Variants in CLIC5 observed in about 807,000 individuals in gnomAD.
CLIC5 encodes the protein CLIC family member 5, also known as chloride intracellular channel protein 5.
Under a neutral mutation model 24.7 loss-of-function variants are expected in CLIC5, and 20 were observed. The observed-to-expected ratio is 0.81, with a 90% CI of 0.57 to 1.18. The LOEUF is 1.18. Among genes scored for constraint, CLIC5 ranks in the 50% most tolerant of loss-of-function variants. The pLI, the probability that CLIC5 is intolerant of heterozygous loss-of-function variation, is 0.00. For synonymous variants in CLIC5, 159 were observed against 135.6 expected (o/e 1.17, Z -1.20); for missense variants, 341 against 326.1 (o/e 1.05, Z -0.35).
intron 6 of CLIC5, among the ~76,000 whole-genome samples, chr6:45,888,152 T>TG (rs894439964): frequency 5.3e-5 from 8 of 151,882 alleles, no homozygotes; most frequent in Non-Finnish European, 8.8e-5. Context: ...TTCCCTGGGG[T>TG]GGGGGGGATT....
intron 1 of CLIC5, among the ~76,000 whole-genome samples, chr6:46,078,676 A>G (rs1762839942): frequency 6.6e-6 from 1 of 152,198 alleles, no homozygotes; most frequent in Non-Finnish European, 1.5e-5. Flanking sequence ...GTACAAGGCA[A>G]TGTGTGTCTG....
In CLIC5 at chr6:45,888,134, C is replaced by T. The variant is rs561254711; in HGVS notation, c.624-6946G>A. Among the ~76,000 whole-genome samples, 23 of 152,294 alleles carry T rather than the reference C, an allele frequency of 1.5e-4. 1 individual carries two copies. The South Asian group carries it at 4.6e-3, about 30-fold the overall frequency. On this transcript the variant is annotated intron_variant, in intron 6 of 6. Coordinates refer to the CLIC5 transcript ENST00000644324. ...GACTGAAGTGAGAGCAGCTTCACAGCCTGCCCCTTCCCTGGGGTGGGGGGG... is the reference window on the plus strand; with the variant it reads ...GACTGAAGTGAGAGCAGCTTCACAGTCTGCCCCTTCCCTGGGGTGGGGGGG...
upstream of CLIC5, among the ~76,000 whole-genome samples, chr6:46,017,198 T>C (rs535721636): frequency 1.9e-3 from 296 of 152,284 alleles, no homozygotes; most frequent in African/African-American, 6.9e-3. Context: ...TGCACCAGAA[T>C]CTGGTGGAAT....
the CLIC5 span, among the ~76,000 whole-genome samples, chr6:46,092,278 A>G: frequency 6.6e-6 from 1 of 152,238 alleles, no homozygotes; most frequent in African/African-American, 2.4e-5. Flanking sequence ...TCAGTTTCCT[A>G]CAGGAAATGA....
At chr6:45,991,580 A>G (rs1765944629) in intron 1 of CLIC5, among the ~76,000 whole-genome samples, 1 of 152,208 alleles carries the variant, frequency 6.6e-6, no homozygotes, top group Non-Finnish European at 1.5e-5. Flanking sequence ...AAACTGCTAA[A>G]TTTGTGGTAA....
intron 4 of CLIC5, among the ~76,000 whole-genome samples, chr6:45,926,210 CAT>C (rs1362686691): frequency 2.1e-5 from 3 of 142,420 alleles, no homozygotes; most frequent in East Asian, 2.2e-4. Context: ...CACACACACA[CAT>C]ATATACATAC....
rs114142616 is a variant in CLIC5, at chr6:45,913,331, G to T, written c.588+897C>A. Among the ~76,000 whole-genome samples the T allele has an allele frequency of 3.0e-3, 459 of 152,336 alleles. 1 individual carries two copies. The highest frequency in any genetic ancestry group is 9.2e-3 in the African/African-American group (384 of 41,568). On this transcript the variant is annotated intron_variant, in intron 5 of 5. Coordinates refer to ENST00000339561, the MANE Select transcript of CLIC5 (RefSeq NM_016929.5). ...AAGAATGGGGGAAGAAGTGCTCATT[G>T]ACAGAGCTTAGGGGGATACAACTAC...
At chr6:46,043,859 G>A (rs1581894152) in intron 1 of CLIC5, among the ~76,000 whole-genome samples, 1 of 152,210 alleles carries the variant, frequency 6.6e-6, no homozygotes, top group East Asian at 1.9e-4. Flanking sequence ...ACTTGCAGAG[G>A]GCAGCAGAGT....
intron 1 of CLIC5, among the ~76,000 whole-genome samples, chr6:45,961,433 C>T (rs1243800001): frequency 6.6e-6 from 1 of 152,216 alleles, no homozygotes; most frequent in East Asian, 1.9e-4. Flanking sequence ...AGAATCAGGT[C>T]TCTCTAACTC....
intron 1 of CLIC5, among the ~76,000 whole-genome samples, chr6:45,962,436 G>T (rs1764878841): frequency 6.7e-6 from 1 of 148,750 alleles, no homozygotes. Flanking sequence ...ACTATAAAGG[G>T]CAATCTGCTT....
intron 1 of CLIC5, among the ~76,000 whole-genome samples, chr6:45,975,562 G>A (rs780756716): frequency 3.9e-5 from 6 of 152,114 alleles, no homozygotes; most frequent in Non-Finnish European, 5.9e-5. Flanking sequence ...GGGCAGGCAA[G>A]TGCTTGTTTC....
the CLIC5 span, among the ~76,000 whole-genome samples, chr6:46,113,505 A>C: frequency 1.3e-5 from 2 of 152,166 alleles, no homozygotes; most frequent in African/African-American, 4.8e-5. Context: ...GCAAGTAGGC[A>C]GGTTCTGTCA....
At chr6:45,905,584 T>C (rs1302757083) in intron 5 of CLIC5, among the ~76,000 whole-genome samples, 1 of 152,102 alleles carries the variant, frequency 6.6e-6, no homozygotes, top group Non-Finnish European at 1.5e-5. Context: ...TATTTGTTTT[T>C]TTCTTATTCA....
intron 2 of CLIC5, among the ~76,000 whole-genome samples, chr6:45,952,813 A>T (rs1764516340): frequency 6.6e-6 from 1 of 152,126 alleles, no homozygotes; most frequent in African/African-American, 2.4e-5. Flanking sequence ...CAGCAAACAT[A>T]CAAGTCCTCT....
downstream of CLIC5, among the ~76,000 whole-genome samples, chr6:45,895,266 C>A (rs976830121): frequency 6.6e-6 from 1 of 152,160 alleles, no homozygotes; most frequent in South Asian, 2.1e-4. Context: ...CCCCTCAAAG[C>A]TTCTAACCTG....
chr6:45,949,503 A>G (rs1764402561), intron 2 of CLIC5, 122 bp from the exon 3 acceptor site: 2 of 1,099,688 alleles, frequency 1.8e-6, no homozygotes, highest in Admixed American at 4.5e-5. Flanking sequence ...GGTGAAACAG[A>G]TTTATGGTAT....
intron 1 of CLIC5, among the ~76,000 whole-genome samples, chr6:46,038,892 T>G (rs1420654847): frequency 6.6e-6 from 1 of 152,198 alleles, no homozygotes; most frequent in African/African-American, 2.4e-5. Context: ...AAAGATAAAT[T>G]CACTAAAATT....
chr6:45,922,651 AC>A (rs199813812), intron 4 of CLIC5, among the ~76,000 whole-genome samples: 1,802 of 152,206 alleles, frequency 0.012, 20 homozygotes, highest in Admixed American at 0.03. Context: ...GGAGGTAGGG[AC>A]TCCAGATCCA....
At chr6:45,949,416 A>G in intron 2 of CLIC5, 35 bp from the exon 3 acceptor site, 1 of 1,600,806 alleles carries the variant, frequency 6.2e-7, no homozygotes, top group Non-Finnish European at 8.5e-7. Context: ...GTTGGCTTAC[A>G]GCAGGGTGCT....
Sources: gnomAD v4.1 joint callset for allele counts (sites outside exome capture counted in the v4.1 genomes callset) on GRCh38, gnomAD v4.1.1 for gene constraint, MANE v1.5 for transcripts, NCBI Gene and HGNC (gene_info 2026-07-23, HGNC 2026-07-21) for gene names.